Variants in FCHSD2 observed in about 807,000 individuals in gnomAD.
FCHSD2 encodes FCH and double SH3 domains 2.
FCHSD2 carries 38 observed loss-of-function variants against 108.1 expected under a neutral mutation model. That is an observed-to-expected ratio of 0.35 (90% CI 0.27 to 0.46). FCHSD2 has a LOEUF of 0.46. Among genes scored for constraint, FCHSD2 ranks in the 20% least tolerant of loss-of-function variants. FCHSD2 has a pLI of 1.00. For missense variants in FCHSD2, 751 were observed against 897.8 expected (o/e 0.84, Z 2.09); for synonymous variants, 279 against 314.7 (o/e 0.89, Z 1.20).
chr11:72,860,186 C>T (rs974405865), intron 13 of FCHSD2, among the ~76,000 whole-genome samples: 6 of 152,222 alleles, frequency 3.9e-5, no homozygotes, highest in Non-Finnish European at 7.3e-5. Context: ...TCTGGCCACT[C>T]ACCTCCTGCT....
At chr11:72,918,658 T>C (rs1855922676) in intron 9 of FCHSD2, among the ~76,000 whole-genome samples, 1 of 152,194 alleles carries the variant, frequency 6.6e-6, no homozygotes, top group African/African-American at 2.4e-5. Flanking sequence ...CTTTTTTTGG[T>C]TAGACTTCGA....
intron 3 of FCHSD2, among the ~76,000 whole-genome samples, chr11:73,028,113 C>G (rs975018769): frequency 6.6e-6 from 1 of 152,186 alleles, no homozygotes; most frequent in African/African-American, 2.4e-5. Flanking sequence ...AGGGGCACTG[C>G]CTACTGGAGG....
chr11:73,039,164 A>G (rs1858570450), intron 3 of FCHSD2, among the ~76,000 whole-genome samples: 1 of 152,190 alleles, frequency 6.6e-6, no homozygotes, highest in Non-Finnish European at 1.5e-5. Flanking sequence ...CTAGTTCAAG[A>G]CTGTCTCACT....
intron 2 of FCHSD2, among the ~76,000 whole-genome samples, chr11:73,093,170 A>T (rs1859996837): frequency 6.6e-6 from 1 of 152,232 alleles, no homozygotes. Context: ...TCATTGCAGA[A>T]GAAGTGAACA....
chr11:72,905,102 A>C (rs1855600531), intron 9 of FCHSD2, among the ~76,000 whole-genome samples: 1 of 152,192 alleles, frequency 6.6e-6, no homozygotes, highest in Admixed American at 6.5e-5. Flanking sequence ...AAACCTGTGA[A>C]TGTTACTTCA....
intron 1 of FCHSD2, chr11:73,141,319 CCCTTGGGGTGGGGAGGCGGTGACTATT>C (rs751078712): frequency 7.8e-4 from 120 of 154,640 alleles, no homozygotes; most frequent in Non-Finnish European, 1.5e-3. Context: ...AATTTGTTTT[CCCTTGGGGTGGGGAGGCGGTGACTATT>C]CCAACTTCTT....
At position 73,083,335 on chromosome 11, in the gene FCHSD2, G is replaced by A. The variant is rs1240514714; in HGVS notation, c.165+360C>T. ...GGAGGCCAAGGCGGACGGATCATAA[G>A]GTCAAGAGATCGAGACCATCCCGGC... is the stretch of plus-strand genomic sequence containing the variant. On this transcript the variant is annotated intron_variant, in intron 3 of 19. Coordinates refer to ENST00000409418, the MANE Select transcript of FCHSD2 (RefSeq NM_014824.3). Among the ~76,000 whole-genome samples the A allele has an allele frequency of 2.6e-5, 4 of 152,132 alleles. 1 individual carries two copies. The highest frequency in any genetic ancestry group is 2.6e-4 in the Admixed American group (4 of 15,260).
At chr11:72,955,377 C>T (rs1049765363) in intron 8 of FCHSD2, among the ~76,000 whole-genome samples, 21 of 152,268 alleles carry the variant, frequency 1.4e-4, no homozygotes, top group African/African-American at 4.8e-4. Context: ...GCATGTGAGG[C>T]TTCCATGCCC....
chr11:72,985,632 C>A (rs1396454320), intron 6 of FCHSD2, among the ~76,000 whole-genome samples: 1 of 152,118 alleles, frequency 6.6e-6, no homozygotes, highest in African/African-American at 2.4e-5. Flanking sequence ...GTTTGGGTAC[C>A]TGCCTGTGTG....
rs528078531 is a variant in FCHSD2 at position 73,133,346 on chromosome 11, T to C, written c.119+6685A>G. The stretch of plus-strand genomic sequence containing the variant: ...TTCATAGCAGCATTATTAATAATAG[T>C]AAAAAGTAGAAACAACCCATATCTC... On this transcript the variant is annotated intron_variant, in intron 2 of 19. Coordinates refer to ENST00000409418, the MANE Select transcript of FCHSD2 (RefSeq NM_014824.3). Among the ~76,000 whole-genome samples, 3 of 152,266 alleles carry C rather than the reference T, an allele frequency of 2.0e-5. No individual in the cohort carries two copies. In the South Asian group the frequency reaches 6.2e-4, roughly 32 times the overall value.
At chr11:72,918,331 G>C (rs559117300) in intron 9 of FCHSD2, among the ~76,000 whole-genome samples, 24 of 152,126 alleles carry the variant, frequency 1.6e-4, no homozygotes, top group Non-Finnish European at 2.9e-4. Context: ...TCTGCAAAGA[G>C]AGGTAATTTT....
intron 3 of FCHSD2, among the ~76,000 whole-genome samples, chr11:73,059,348 A>T (rs751599818): frequency 2.0e-5 from 3 of 152,132 alleles, no homozygotes; most frequent in Non-Finnish European, 4.4e-5. Flanking sequence ...TTAAAAAAGG[A>T]ATTTTAAAAA....
chr11:72,920,820 G>C (rs925101314), intron 9 of FCHSD2, among the ~76,000 whole-genome samples: 2 of 152,080 alleles, frequency 1.3e-5, no homozygotes, highest in African/African-American at 4.8e-5. Flanking sequence ...GACAATATAG[G>C]AAAACAGATA....
At chr11:73,034,250 T>C (rs932204427) in intron 3 of FCHSD2, among the ~76,000 whole-genome samples, 7 of 152,062 alleles carry the variant, frequency 4.6e-5, no homozygotes, top group African/African-American at 1.7e-4. Context: ...CCCTTTAAGG[T>C]TTTTCTTTAA....
At chr11:73,017,306 T>C (rs940684202) in intron 3 of FCHSD2, among the ~76,000 whole-genome samples, 1 of 152,198 alleles carries the variant, frequency 6.6e-6, no homozygotes, top group Non-Finnish European at 1.5e-5. Flanking sequence ...TAGGAATATA[T>C]GTGGTCCCCT....
At chr11:72,877,742 C>T (rs1435062698) in intron 12 of FCHSD2, among the ~76,000 whole-genome samples, 2 of 151,570 alleles carry the variant, frequency 1.3e-5, no homozygotes, top group African/African-American at 2.4e-5. Context: ...CATAGTGGCT[C>T]ATGTCTATAA....
chr11:73,017,383 C>T (rs2135435139), intron 3 of FCHSD2, among the ~76,000 whole-genome samples: 1 of 152,272 alleles, frequency 6.6e-6, no homozygotes, highest in Non-Finnish European at 1.5e-5. Context: ...TATTTCTATA[C>T]ACGTAACTAA....
chr11:72,937,607 T>C (rs1441930089), intron 8 of FCHSD2, among the ~76,000 whole-genome samples: 1 of 152,164 alleles, frequency 6.6e-6, no homozygotes, highest in East Asian at 1.9e-4. Flanking sequence ...CCTCCCAAAG[T>C]GCTGGGAATA....
In FCHSD2 at chr11:72,897,068, C is replaced by T. The variant is rs956101687; in HGVS notation, c.924+5475G>A. On this transcript the variant is annotated intron_variant, in intron 10 of 19. Coordinates refer to ENST00000409418, the MANE Select transcript of FCHSD2 (RefSeq NM_014824.3). ...GTCTCAATCTCCTGACCTCATGATC[C>T]GCCCATCTCAGCTCTCAGCCTCCCA... 4.6e-5 allele frequency among the ~76,000 whole-genome samples: 7 copies of T among 152,066 alleles called. No individual in the cohort carries two copies. The East Asian group carries it at 9.7e-4, about 21-fold the overall frequency.
Sources: allele counts gnomAD v4.1 joint callset (sites outside exome capture counted in the v4.1 genomes callset), GRCh38; gene constraint gnomAD v4.1.1; transcripts MANE v1.5; gene names NCBI Gene and HGNC (gene_info 2026-07-23, HGNC 2026-07-21).